Variants in HS3ST2 observed in about 807,000 individuals in gnomAD.
The protein encoded by HS3ST2 is heparan sulfate-glucosamine 3-sulfotransferase 2, also known as heparan sulfate glucosamine 3-O-sulfotransferase 2.
A neutral mutation model predicts 26.3 loss-of-function variants in HS3ST2; 17 were observed. The ratio of observed to expected loss-of-function variants is 0.65; its 90% CI spans 0.44 to 0.97. The LOEUF is 0.97. HS3ST2 is among the 50% of genes least tolerant of loss of function. The pLI is 0.00. For missense variants in HS3ST2, 402 were observed against 501.2 expected, an observed-to-expected ratio of 0.80 and a Z score of 1.89; for synonymous variants, 237 against 219.2, an observed-to-expected ratio of 1.08 and a Z score of -0.72.
At chr16:22,909,647 C>T (rs1376279406) in intron 1 of HS3ST2, among the ~76,000 whole-genome samples, 2 of 152,130 alleles carry the variant, frequency 1.3e-5, no homozygotes, top group Non-Finnish European at 2.9e-5. Flanking sequence ...ACCCAGGAGC[C>T]CTTTGACTTG....
At chr16:22,863,015 G>A (rs777287465) in intron 1 of HS3ST2, among the ~76,000 whole-genome samples, 16 of 152,202 alleles carry the variant, frequency 1.1e-4, no homozygotes, top group Non-Finnish European at 2.2e-4. Flanking sequence ...ACCCGCTGGG[G>A]ACCATTCCTC....
At chr16:22,837,445 C>T (rs1292300167) in intron 1 of HS3ST2, among the ~76,000 whole-genome samples, 1 of 150,170 alleles carries the variant, frequency 6.7e-6, no homozygotes, top group African/African-American at 2.5e-5. Context: ...CCTGAAACTG[C>T]CGATAATACC....
chr16:22,817,929 C>T (rs1900896166), intron 1 of HS3ST2, among the ~76,000 whole-genome samples: 1 of 152,208 alleles, frequency 6.6e-6, no homozygotes, highest in Admixed American at 6.5e-5. Context: ...AAGCTGAAGG[C>T]CGAGTGATAT....
chr16:22,834,680 A>G (rs985088630), intron 1 of HS3ST2, among the ~76,000 whole-genome samples: 3 of 152,024 alleles, frequency 2.0e-5, no homozygotes, highest in African/African-American at 7.2e-5. Flanking sequence ...CATGCTTTAA[A>G]AAGTATCCAT....
chr16:22,895,248 C>A lies in HS3ST2; in HGVS notation c.486-19696C>A, dbSNP rs1420496017. 3.6e-4 allele frequency among the ~76,000 whole-genome samples: 55 copies of A among 152,170 alleles called. 1 individual carries two copies. The highest frequency in any genetic ancestry group is 5.9e-5 in the Non-Finnish European group (4 of 67,992). ...GGGATTACAGGCACCTGCCACCAGGCCTGGCTGATTTTTGTATTTTCAGTA... is the reference window on the plus strand; with the variant it reads ...GGGATTACAGGCACCTGCCACCAGGACTGGCTGATTTTTGTATTTTCAGTA... On this transcript the variant is annotated intron_variant, in intron 1 of 1. Coordinates refer to ENST00000261374, the MANE Select transcript of HS3ST2 (RefSeq NM_006043.2).
At chr16:22,913,961 A>AC (rs1902457512) in intron 1 of HS3ST2, among the ~76,000 whole-genome samples, 1 of 151,988 alleles carries the variant, frequency 6.6e-6, no homozygotes, top group Non-Finnish European at 1.5e-5. Flanking sequence ...ACACAGTGAG[A>AC]CCCCATCTCT....
chr16:22,870,441 C>G (rs1402387473), intron 1 of HS3ST2, among the ~76,000 whole-genome samples: 1 of 152,190 alleles, frequency 6.6e-6, no homozygotes, highest in Non-Finnish European at 1.5e-5. Context: ...GAGCAGCCCA[C>G]AGGTCTGCTA....
At chr16:22,837,481 C>CTG (rs753322383) in intron 1 of HS3ST2, among the ~76,000 whole-genome samples, 68 of 121,968 alleles carry the variant, frequency 5.6e-4, no homozygotes, top group Non-Finnish European at 8.3e-4. Flanking sequence ...TGTTTTTTTC[C>CTG]TATGTGTGTG....
intron 1 of HS3ST2, among the ~76,000 whole-genome samples, chr16:22,832,394 G>A (rs182836273): frequency 1.3e-5 from 2 of 152,130 alleles, no homozygotes; most frequent in African/African-American, 4.8e-5. Flanking sequence ...ACAGAATGTG[G>A]TTCATAATGA....
At chr16:22,892,266 G>C (rs1596628316) in intron 1 of HS3ST2, among the ~76,000 whole-genome samples, 1 of 151,276 alleles carries the variant, frequency 6.6e-6, no homozygotes, top group African/African-American at 2.4e-5. Context: ...CTTCAGCCTG[G>C]GTGACAGAGC....
rs557927570 is a variant in HS3ST2 at position 22,842,140 on chromosome 16, C to A, written c.485+27045C>A. ...GCAGTGGTACAATCCTGGCTCACTG[C>A]AAGCTCCACCTCCTGGGTCCAAGTG... is the stretch of plus-strand genomic sequence containing the variant. On this transcript the variant is annotated intron_variant, in intron 1 of 1. Transcript: ENST00000261374. Among the ~76,000 whole-genome samples the A allele has an allele frequency of 2.7e-5, 4 of 147,796 alleles. No homozygotes were observed. The East Asian group carries it at 7.9e-4, about 29-fold the overall frequency.
chr16:22,834,881 A>G (rs1413631415), intron 1 of HS3ST2, among the ~76,000 whole-genome samples: 1 of 152,068 alleles, frequency 6.6e-6, no homozygotes, highest in East Asian at 1.9e-4. Context: ...ATTTTGGGGT[A>G]TTTAAAAATA....
intron 1 of HS3ST2, among the ~76,000 whole-genome samples, chr16:22,823,720 G>A (rs1440455898): frequency 2.6e-5 from 4 of 152,060 alleles, no homozygotes; most frequent in Non-Finnish European, 2.9e-5. Flanking sequence ...CCAGGAGTTC[G>A]AGGCTGCAAT....
intron 1 of HS3ST2, among the ~76,000 whole-genome samples, chr16:22,843,989 G>T (rs1367999027): frequency 1.3e-5 from 2 of 148,724 alleles, no homozygotes; most frequent in East Asian, 2.0e-4. Context: ...TTATGAACTG[G>T]GAATTGTGGA....
intron 1 of HS3ST2, among the ~76,000 whole-genome samples, chr16:22,838,468 A>G (rs1433199056): frequency 6.6e-6 from 1 of 152,174 alleles, no homozygotes; most frequent in African/African-American, 2.4e-5. Context: ...TAAAAATCAT[A>G]GACCACAAAC....
In HS3ST2 at chr16:22,832,257, A is replaced by G. The variant is rs535883531; in HGVS notation, c.485+17162A>G. Among the ~76,000 whole-genome samples, 118 of 151,614 alleles carry G rather than the reference A, an allele frequency of 7.8e-4. 2 individuals carry two copies. Among genetic ancestry groups the G allele is most frequent in the African/African-American group, 2.8e-3 (114 of 41,332 alleles). Reference sequence around the variant, plus strand: ...AGCAGTCCTCCCACTTCAGCCTCTCAAAGTGCTAGGATCACAGGCATGAGC... The same window carrying G: ...AGCAGTCCTCCCACTTCAGCCTCTCGAAGTGCTAGGATCACAGGCATGAGC... On this transcript the variant is annotated intron_variant, in intron 1 of 1. Coordinates refer to ENST00000261374, the MANE Select transcript of HS3ST2 (RefSeq NM_006043.2).
chr16:22,897,133 C>T (rs978862215), intron 1 of HS3ST2, among the ~76,000 whole-genome samples: 1 of 152,192 alleles, frequency 6.6e-6, no homozygotes, highest in African/African-American at 2.4e-5. Flanking sequence ...AGCCTATGCT[C>T]AACTCTTGTC....
intron 1 of HS3ST2, among the ~76,000 whole-genome samples, chr16:22,895,070 CTTTTTTT>C (rs55861016): frequency 7.4e-6 from 1 of 134,724 alleles, no homozygotes; most frequent in Non-Finnish European, 1.6e-5. Context: ...TTCTTTCTTT[CTTTTTTT>C]TTTTTTTTTG....
At chr16:22,893,634 C>CTTTTTTTTTTTTTTTTTTTTTTT (rs56664558) in intron 1 of HS3ST2, among the ~76,000 whole-genome samples, 1 of 130,276 alleles carries the variant, frequency 7.7e-6, no homozygotes, top group Non-Finnish European at 1.6e-5. Flanking sequence ...TTTTTCTTTT[C>CTTTTTTTTTTTTTTTTTTTTTTT]TTTTTTTTTT....
Sources: gnomAD v4.1 joint callset for allele counts (sites outside exome capture counted in the v4.1 genomes callset) on GRCh38, gnomAD v4.1.1 for gene constraint, MANE v1.5 for transcripts, NCBI Gene and HGNC (gene_info 2026-07-23, HGNC 2026-07-21) for gene names.